COP1: variants seen among roughly 807,000 people sequenced by gnomAD.
COP1 encodes the protein E3 ubiquitin-protein ligase COP1.
COP1 carries 24 observed loss-of-function variants against 101.3 expected under a neutral mutation model. That is an observed-to-expected ratio of 0.24 (90% CI 0.17 to 0.33). The LOEUF is 0.33. Ranked by LOEUF, COP1 falls within the 10% of genes least tolerant of loss-of-function variation. COP1 has a pLI of 1.00. For synonymous variants in COP1, 347 were observed against 341.9 expected (o/e 1.01, Z -0.17); for missense variants, 663 against 906.2 (o/e 0.73, Z 3.45).
chr1:176,134,516 GAATT>G (rs1689484626), intron 8 of COP1, among the ~76,000 whole-genome samples: 1 of 151,878 alleles, frequency 6.6e-6, no homozygotes, highest in Non-Finnish European at 1.5e-5. Flanking sequence ...GCATATAGAA[GAATT>G]AATAATAAGT....
chr1:175,957,291 A>G (rs565629538), intron 18 of COP1, among the ~76,000 whole-genome samples: 1 of 151,736 alleles, frequency 6.6e-6, no homozygotes, highest in East Asian at 1.9e-4. Flanking sequence ...AGCTCCATTC[A>G]TGGTAATGCC....
chr1:175,962,477 G>A (rs892217467), intron 18 of COP1, among the ~76,000 whole-genome samples: 1 of 151,740 alleles, frequency 6.6e-6, no homozygotes, highest in African/African-American at 2.4e-5. Context: ...TTGTCTTGTC[G>A]CTTCCCTTTA....
intron 6 of COP1, 41 bp from the exon 7 acceptor site, chr1:176,136,588 C>T (rs749981566): frequency 7.6e-7 from 1 of 1,310,756 alleles, no homozygotes; most frequent in Non-Finnish European, 1.1e-6. Flanking sequence ...AAAAAAAAAG[C>T]CTAAGCCAAA....
At chr1:176,057,571 G>A (rs1462942781) in intron 11 of COP1, among the ~76,000 whole-genome samples, 1 of 152,190 alleles carries the variant, frequency 6.6e-6, no homozygotes, top group East Asian at 1.9e-4. Context: ...TCCTAACCGC[G>A]AGTGATCCGC....
At chr1:176,171,074 G>A (rs895522069) in intron 3 of COP1, among the ~76,000 whole-genome samples, 4 of 130,566 alleles carry the variant, frequency 3.1e-5, no homozygotes, top group Admixed American at 9.3e-5. Context: ...GCAGGGAGCC[G>A]AGATCACACC....
intron 11 of COP1, among the ~76,000 whole-genome samples, chr1:176,066,030 G>A (rs1430172374): frequency 6.6e-6 from 1 of 151,932 alleles, no homozygotes; most frequent in African/African-American, 2.4e-5. Flanking sequence ...CTGGCCGGGG[G>A]ATAATGATTT....
At chr1:176,035,569 A>T (rs1326922040) in intron 14 of COP1, among the ~76,000 whole-genome samples, 2 of 152,096 alleles carry the variant, frequency 1.3e-5, no homozygotes, top group Non-Finnish European at 2.9e-5. Flanking sequence ...ACCAAGACAT[A>T]ACAATCCCAA....
chr1:176,172,513 G>C (rs1340110218), intron 3 of COP1, among the ~76,000 whole-genome samples: 2 of 152,168 alleles, frequency 1.3e-5, no homozygotes, highest in East Asian at 3.8e-4. Flanking sequence ...CCTATGACTA[G>C]GCATTGGAAG....
chr1:175,960,262 A>G (rs1194726546), intron 18 of COP1, among the ~76,000 whole-genome samples: 1 of 152,204 alleles, frequency 6.6e-6, no homozygotes, highest in Non-Finnish European at 1.5e-5. Flanking sequence ...ATTTCAATTC[A>G]AAGCTCTAAC....
chr1:176,001,540 A>C (rs569394988), intron 15 of COP1, among the ~76,000 whole-genome samples: 7 of 152,158 alleles, frequency 4.6e-5, no homozygotes, highest in Non-Finnish European at 7.4e-5. Context: ...TTTCGTGGCA[A>C]AGTTATCTCA....
At position 176,132,207 on chromosome 1, in the gene COP1, G is replaced by A. The variant is rs142540971; in HGVS notation, c.968+2803C>T. Reference sequence around the variant, plus strand: ...CTCTGTCCTCCACACAGGGATCCAAGTAAACATTTTAAAATCTAAATCAGA... The same window carrying A: ...CTCTGTCCTCCACACAGGGATCCAAATAAACATTTTAAAATCTAAATCAGA... On this transcript the variant is annotated intron_variant, in intron 8 of 19. Transcript: ENST00000367669. Among the ~76,000 whole-genome samples the A allele has an allele frequency of 2.6e-3, 395 of 149,954 alleles. 3 individuals are homozygous for A. Among genetic ancestry groups the A allele is most frequent in the African/African-American group, 9.5e-3 (377 of 39,694 alleles).
chr1:176,056,102 T>C (rs1286590036), intron 11 of COP1, among the ~76,000 whole-genome samples: 3 of 152,168 alleles, frequency 2.0e-5, no homozygotes, highest in Non-Finnish European at 4.4e-5. Context: ...TTCCGTGTGG[T>C]ATATTTTTCC....
At chr1:176,183,527 T>G (rs1355751896) in intron 2 of COP1, among the ~76,000 whole-genome samples, 2 of 152,192 alleles carry the variant, frequency 1.3e-5, no homozygotes, top group Non-Finnish European at 2.9e-5. Context: ...GTGCAGCCCC[T>G]ATAGAAAACA....
chr1:176,144,991 A>G (rs752838546), intron 6 of COP1, among the ~76,000 whole-genome samples: 1 of 152,148 alleles, frequency 6.6e-6, no homozygotes, highest in Non-Finnish European at 1.5e-5. Flanking sequence ...CACACTAAGT[A>G]TAACAGATAA....
intron 11 of COP1, among the ~76,000 whole-genome samples, chr1:176,061,631 T>TA (rs1340548718): frequency 4.0e-5 from 6 of 148,922 alleles, no homozygotes; most frequent in African/African-American, 9.9e-5. Context: ...CGTCTCAAAA[T>TA]AAAAAAAAGA....
intron 18 of COP1, among the ~76,000 whole-genome samples, chr1:175,980,079 C>T (rs1655446689): frequency 1.3e-5 from 2 of 152,030 alleles, no homozygotes; most frequent in South Asian, 4.2e-4. Flanking sequence ...TATAACAACC[C>T]TAGAAGATAA....
At position 175,996,062 on chromosome 1, in the gene COP1, C is replaced by T. The variant is rs182066703; in HGVS notation, c.1730-6583G>A. The stretch of plus-strand genomic sequence containing the variant: ...AGCTTATCCACCATGATCAAGTGGG[C>T]TTCATCCCTGGGATGCAAGGCTGGT... On this transcript the variant is annotated intron_variant, in intron 15 of 19. Transcript: ENST00000367669. Among the ~76,000 whole-genome samples the T allele has an allele frequency of 2.8e-4, 43 of 152,282 alleles. 2 individuals are homozygous for T. In the East Asian group the frequency reaches 8.1e-3, roughly 29 times the overall value.
intron 11 of COP1, among the ~76,000 whole-genome samples, chr1:176,047,490 G>C (rs979655060): frequency 2.6e-5 from 4 of 152,160 alleles, no homozygotes; most frequent in African/African-American, 9.7e-5. Context: ...CTTTATTACA[G>C]ATCAAAGCTC....
At chr1:176,184,835 G>T (rs768902900) in intron 1 of COP1, 143 bp from the exon 2 acceptor site, 5 of 541,840 alleles carry the variant, frequency 9.2e-6, no homozygotes, top group Non-Finnish European at 1.6e-5. Flanking sequence ...AATAAGAGAT[G>T]AAATTTCTAT....
Sources: allele counts gnomAD v4.1 joint callset (sites outside exome capture counted in the v4.1 genomes callset), GRCh38; gene constraint gnomAD v4.1.1; transcripts MANE v1.5; gene names NCBI Gene and HGNC (gene_info 2026-07-23, HGNC 2026-07-21).